Variants in CDH20 observed in about 807,000 individuals in gnomAD.
The protein encoded by CDH20 is cadherin-20.
A neutral mutation model predicts 74.2 loss-of-function variants in CDH20; 29 were observed. That is an observed-to-expected ratio of 0.39 (90% CI 0.29 to 0.53). The LOEUF (loss-of-function observed/expected upper bound fraction) is 0.53. Ranked by LOEUF, CDH20 falls within the 20% of genes least tolerant of loss-of-function variation. CDH20 has a pLI of 0.69. For missense variants in CDH20, 988 were observed against 1,048.3 expected, an observed-to-expected ratio of 0.94 and a Z score of 0.79; for synonymous variants, 469 against 405.4, an observed-to-expected ratio of 1.16 and a Z score of -1.88.
chr18:61,464,359 C>T (rs1599102740), intron 1 of CDH20, among the ~76,000 whole-genome samples: 1 of 152,100 alleles, frequency 6.6e-6, no homozygotes, highest in East Asian at 1.9e-4. Context: ...TATTATTTTT[C>T]CTGTCCAAAC....
intron 1 of CDH20, among the ~76,000 whole-genome samples, chr18:61,470,961 TACC>T (rs1910152855): frequency 1.3e-5 from 2 of 151,930 alleles, no homozygotes; most frequent in Non-Finnish European, 2.9e-5. Context: ...TGGAATGAAA[TACC>T]ACCAAGACGC....
chr18:61,550,917 C>A (rs1913412395), intron 11 of CDH20, among the ~76,000 whole-genome samples: 1 of 152,290 alleles, frequency 6.6e-6, no homozygotes, highest in Non-Finnish European at 1.5e-5. Flanking sequence ...GTGAACCACA[C>A]AGATTTCTGG....
At chr18:61,349,435 T>C (rs900653777) in intron 1 of CDH20, among the ~76,000 whole-genome samples, 3 of 152,160 alleles carry the variant, frequency 2.0e-5, no homozygotes, top group African/African-American at 7.2e-5. Context: ...ATCCAGGAAA[T>C]AGGCTAATTT....
chr18:61,451,960 A>G (rs1439377838), intron 1 of CDH20, among the ~76,000 whole-genome samples: 1 of 152,140 alleles, frequency 6.6e-6, no homozygotes, highest in Non-Finnish European at 1.5e-5. Context: ...GTTCTGTTCC[A>G]TTGACCTTTC....
At chr18:61,365,785 T>C (rs991279798) in intron 1 of CDH20, among the ~76,000 whole-genome samples, 3 of 152,200 alleles carry the variant, frequency 2.0e-5, no homozygotes, top group Admixed American at 2.0e-4. Context: ...TACAAACTTG[T>C]AAGCTACTGA....
chr18:61,499,551 C>A, intron 3 of CDH20, 71 bp downstream of exon 3: 2 of 1,035,078 alleles, frequency 1.9e-6, no homozygotes, highest in Non-Finnish European at 1.4e-6. Flanking sequence ...CACATATGCA[C>A]ATGCACACAC....
chr18:61,360,284 C>T (rs993423932), intron 1 of CDH20, among the ~76,000 whole-genome samples: 3 of 152,198 alleles, frequency 2.0e-5, no homozygotes, highest in African/African-American at 4.8e-5. Context: ...AATAGCATGG[C>T]TCATGCCTCG....
chr18:61,396,272 C>T (rs1911975100), intron 1 of CDH20, among the ~76,000 whole-genome samples: 1 of 152,116 alleles, frequency 6.6e-6, no homozygotes, highest in Admixed American at 6.6e-5. Flanking sequence ...GAAAAATCAC[C>T]ATCCAAGTTA....
intron 1 of CDH20, among the ~76,000 whole-genome samples, chr18:61,334,655 A>C (rs1453110650): frequency 6.6e-6 from 1 of 152,070 alleles, no homozygotes; most frequent in African/African-American, 2.4e-5. Flanking sequence ...TTGCCTAGCT[A>C]TCCGCCTCTG....
intron 1 of CDH20, among the ~76,000 whole-genome samples, chr18:61,387,499 A>G (rs186941683): frequency 9.2e-5 from 14 of 152,288 alleles, no homozygotes; most frequent in African/African-American, 3.1e-4. Flanking sequence ...GCTCAATTCA[A>G]TAAATAACCT....
intron 1 of CDH20, among the ~76,000 whole-genome samples, chr18:61,433,204 T>C (rs1908712586): frequency 6.6e-6 from 1 of 152,186 alleles, no homozygotes; most frequent in Non-Finnish European, 1.5e-5. Flanking sequence ...GTAATGTATA[T>C]ATATCACCAA....
At chr18:61,358,181 G>C (rs55868919) in intron 1 of CDH20, among the ~76,000 whole-genome samples, 28,749 of 148,060 alleles carry the variant, frequency 0.19, 3,029 homozygotes, top group East Asian at 0.46. Context: ...GTGGCATGAT[G>C]TCTGCTCACT....
intron 1 of CDH20, among the ~76,000 whole-genome samples, chr18:61,334,549 A>T (rs1174352940): frequency 6.6e-6 from 1 of 151,934 alleles, no homozygotes; most frequent in African/African-American, 2.4e-5. Context: ...GCCGGGGGCA[A>T]GGGGGTCAAA....
rs550320552 is a variant in CDH20 at position 61,343,662 on chromosome 18, C to T, written c.-153+9835C>T. On this transcript the variant is annotated intron_variant, in intron 1 of 11. Coordinates refer to ENST00000262717, the MANE Select transcript of CDH20 (RefSeq NM_031891.4). ...GCCAGGAAAGGGCTCAACAACATGC[C>T]TTCCACATGAGAAATGTTTGAAAGT... Among the ~76,000 whole-genome samples the T allele has an allele frequency of 4.3e-4, 65 of 152,284 alleles. 1 individual carries two copies. In the South Asian group the frequency reaches 0.013, roughly 31 times the overall value.
At chr18:61,337,736 C>T (rs1266872100) in intron 1 of CDH20, among the ~76,000 whole-genome samples, 1 of 152,130 alleles carries the variant, frequency 6.6e-6, no homozygotes, top group Non-Finnish European at 1.5e-5. Context: ...ATGACTACTG[C>T]AAATGAAGAC....
chr18:61,489,109 T>G (rs1951726098), intron 1 of CDH20, among the ~76,000 whole-genome samples: 1 of 152,266 alleles, frequency 6.6e-6, no homozygotes, highest in Admixed American at 6.5e-5. Context: ...TATAGTCTCC[T>G]CAGCTACTTT....
chr18:61,366,794 A>C (rs574316614), intron 1 of CDH20, among the ~76,000 whole-genome samples: 6 of 152,256 alleles, frequency 3.9e-5, no homozygotes, highest in African/African-American at 1.4e-4. Context: ...AGTGAAACAA[A>C]GCAGAGACGT....
At chr18:61,412,261 C>T (rs7234176) in intron 1 of CDH20, among the ~76,000 whole-genome samples, 2,396 of 151,948 alleles carry the variant, frequency 0.016, 59 homozygotes, top group African/African-American at 0.055. Context: ...AAAAGATTAC[C>T]AGTTTTAAAA....
At chr18:61,422,367 G>T (rs1252725468) in intron 1 of CDH20, among the ~76,000 whole-genome samples, 2 of 151,996 alleles carry the variant, frequency 1.3e-5, no homozygotes, top group African/African-American at 4.8e-5. Flanking sequence ...CTTCTGTCTT[G>T]ATATCATTTA....
Sources: gnomAD v4.1 joint callset for allele counts (sites outside exome capture counted in the v4.1 genomes callset) on GRCh38, gnomAD v4.1.1 for gene constraint, MANE v1.5 for transcripts, NCBI Gene and HGNC (gene_info 2026-07-23, HGNC 2026-07-21) for gene names.